KCNQ1: variants seen among roughly 807,000 people sequenced by gnomAD.
KCNQ1 encodes the protein potassium voltage-gated channel subfamily KQT member 1.
A neutral mutation model predicts 72.4 loss-of-function variants in KCNQ1; 49 were observed. The ratio of observed to expected loss-of-function variants is 0.68; its 90% CI spans 0.54 to 0.86. The LOEUF (loss-of-function observed/expected upper bound fraction) is 0.86, where lower values mean the gene tolerates loss of function less well. KCNQ1 is among the 40% of genes least tolerant of loss of function. The probability of loss-of-function intolerance (pLI) is 0.00; values close to 1 mark genes in which losing one functional copy is unlikely to be tolerated. For synonymous variants in KCNQ1, 450 were observed against 412.6 expected (o/e 1.09, Z -1.10); for missense variants, 790 against 945.1 (o/e 0.84, Z 2.15).
Position 2,647,275 on chromosome 11 carries a change from A to C in KCNQ1, c.1394-14686A>C. 2.5e-6 allele frequency: 1 copy of C among 398,354 alleles called. No individual in the cohort carries two copies. The highest frequency in any genetic ancestry group is 3.6e-5 in the East Asian group (1 of 28,054). The allele number at this position is 398,354 out of a possible 1,614,324, so 24.7% of individuals were successfully genotyped here. A position where few individuals can be genotyped will look rare whatever the true frequency, so the allele number is the denominator to read the frequency against. On this transcript the variant is annotated intron_variant, in intron 10 of 15. Coordinates refer to ENST00000155840, the MANE Select transcript of KCNQ1 (RefSeq NM_000218.3). This position sits in a 1 kb window ranked among gnomAD's most constrained non-coding sequence, Gnocchi z 4.0. Reference sequence around the variant, plus strand: ...TCCTTCTGTTAATGTGATGTATCACATTTATTGATTTGTATATGTTGAACC... The same window carrying C: ...TCCTTCTGTTAATGTGATGTATCACCTTTATTGATTTGTATATGTTGAACC...
rs1564788108 is a variant in KCNQ1, at chr11:2,463,735, C to T, written c.386+18251C>T. ...AGATGTGAACCCTGAGTTTGTGCAA[C>T]TCGAGTTTCAGAGTGGCGGCCTCTG... On this transcript the variant is annotated intron_variant, in intron 1 of 15. Transcript: ENST00000155840. This position sits in a 1 kb window ranked among gnomAD's most constrained non-coding sequence, Gnocchi z 7.0. 6.6e-6 allele frequency among the ~76,000 whole-genome samples: 1 copy of T among 152,238 alleles called. No individual in the cohort carries two copies. Among genetic ancestry groups the T allele is most frequent in the African/African-American group, 2.4e-5 (1 of 41,450 alleles).
intron 11 of KCNQ1, among the ~76,000 whole-genome samples, chr11:2,732,736 C>A (rs1845876644): frequency 6.6e-6 from 1 of 152,222 alleles, no homozygotes; most frequent in Non-Finnish European, 1.5e-5. Flanking sequence ...CAGCTCCCAG[C>A]CTGGCTTCCC....
Position 2,672,735 on chromosome 11 carries a change from C to G in KCNQ1, c.1514+10654C>G, listed in dbSNP as rs1389051147. The G allele has an allele frequency of 4.5e-5, 18 of 398,758 alleles. No homozygotes were observed. In the East Asian group the frequency reaches 6.4e-4, roughly 14 times the overall value. The allele number at this position is 398,758 out of a possible 1,614,324, so 24.7% of individuals were successfully genotyped here. A position where few individuals can be genotyped will look rare whatever the true frequency, so the allele number is the denominator to read the frequency against. ...GATGTCAGGTTCCAGACTCCAAGTTCTATGCTTTTTTGCTGGTCCAGCATG... is the reference window on the plus strand; with the variant it reads ...GATGTCAGGTTCCAGACTCCAAGTTGTATGCTTTTTTGCTGGTCCAGCATG... On this transcript the variant is annotated intron_variant, in intron 11 of 15. Transcript: ENST00000155840.
At chr11:2,821,355 T>C (rs1420617368) in intron 15 of KCNQ1, among the ~76,000 whole-genome samples, 1 of 152,146 alleles carries the variant, frequency 6.6e-6, no homozygotes, top group African/African-American at 2.4e-5. Context: ...GTGAGAATGG[T>C]GCCCATGGGG....
At chr11:2,604,833 G>A (rs532492578) in intron 10 of KCNQ1, among the ~76,000 whole-genome samples, 1 of 152,290 alleles carries the variant, frequency 6.6e-6, no homozygotes, top group Admixed American at 6.5e-5. Context: ...GTGAGCCACA[G>A]CACCTGGCCG....
rs562644413 is a variant in KCNQ1, at chr11:2,481,497, G to A, written c.386+36013G>A. Among the ~76,000 whole-genome samples, 78 of 152,254 alleles carry A rather than the reference G, an allele frequency of 5.1e-4. No individual in the cohort carries two copies. Among genetic ancestry groups the A allele is most frequent in the African/African-American group, 1.6e-3 (67 of 41,542 alleles). On this transcript the variant is annotated intron_variant, in intron 1 of 15. Transcript: ENST00000155840. The surrounding 1 kb of genome is among the most constrained non-coding windows in gnomAD (Gnocchi z 4.6). Reference sequence around the variant, plus strand: ...GAGGCTGTGTGGCCATCAGCCAGGCGTCCCCAACCCCCAGGCCATGAAGCA... The same window carrying A: ...GAGGCTGTGTGGCCATCAGCCAGGCATCCCCAACCCCCAGGCCATGAAGCA...
chr11:2,717,251 C>T (rs920780213), intron 11 of KCNQ1, among the ~76,000 whole-genome samples: 2 of 152,188 alleles, frequency 1.3e-5, no homozygotes, highest in African/African-American at 2.4e-5. Context: ...TGGGCCATTT[C>T]AAAGGCTGTT....
rs1338554831 is a variant in KCNQ1, at chr11:2,784,329, T to A, written c.1794+6292T>A. On this transcript the variant is annotated intron_variant, in intron 15 of 15. Transcript: ENST00000155840. The surrounding 1 kb of genome is among the most constrained non-coding windows in gnomAD (Gnocchi z 4.7). Reference sequence around the variant, plus strand: ...AATCAATTGACCATAAATTTATAGGTTTATTTCTGGATTTTCAATTCTATT... The same window carrying A: ...AATCAATTGACCATAAATTTATAGGATTATTTCTGGATTTTCAATTCTATT... Among the ~76,000 whole-genome samples, 1 of 151,870 alleles carries A rather than the reference T, an allele frequency of 6.6e-6. No individual in the cohort carries two copies. Among genetic ancestry groups the A allele is most frequent in the Non-Finnish European group, 1.5e-5 (1 of 67,796 alleles).
intron 2 of KCNQ1, among the ~76,000 whole-genome samples, chr11:2,556,476 C>T (rs1168874489): frequency 6.6e-6 from 1 of 152,208 alleles, no homozygotes; most frequent in Admixed American, 6.5e-5. Context: ...TAGCACACGG[C>T]CACGTGTGCT....
rs1293436212 is a variant in KCNQ1, at chr11:2,679,939, G to A, written c.1514+17858G>A. 9 of 397,026 alleles carry A rather than the reference G, an allele frequency of 2.3e-5. No individual in the cohort carries two copies. The highest frequency in any genetic ancestry group is 3.5e-5 in the Non-Finnish European group (8 of 225,906). 24.6% of individuals were successfully genotyped at this position (397,026 alleles called of 1,614,324 possible). A position where few individuals can be genotyped will look rare whatever the true frequency, so the allele number is the denominator to read the frequency against. ...GGCAGAGTCTCACTTTGTCACCTAG[G>A]CGGGAATGCAGTGGCACAGTCTCGG... is the stretch of plus-strand genomic sequence containing the variant. On this transcript the variant is annotated intron_variant, in intron 11 of 15. Transcript: ENST00000155840. The surrounding 1 kb of genome is among the most constrained non-coding windows in gnomAD (Gnocchi z 4.8).
chr11:2,826,784 G>A lies in KCNQ1; in HGVS notation c.1795-20983G>A, dbSNP rs1388543489. 2.0e-5 allele frequency among the ~76,000 whole-genome samples: 3 copies of A among 152,238 alleles called. No homozygotes were observed. Among genetic ancestry groups the A allele is most frequent in the African/African-American group, 7.2e-5 (3 of 41,468 alleles). ...CACTATGTGCTTGGAGCCATGCTGG[G>A]TGCTGGGGAGACACACTAACCACTT... On this transcript the variant is annotated intron_variant, in intron 15 of 15. Transcript: ENST00000155840. This position sits in a 1 kb window ranked among gnomAD's most constrained non-coding sequence, Gnocchi z 4.2.
intron 10 of KCNQ1, chr11:2,619,524 C>A (rs569301847): frequency 7.5e-6 from 3 of 398,420 alleles, no homozygotes; most frequent in African/African-American, 2.1e-5. Flanking sequence ...TCCACATAGA[C>A]ATGATATATA....
At chr11:2,634,320 TCCCC>T (rs1195451890) in intron 10 of KCNQ1, 3 of 165,106 alleles carry the variant, frequency 1.8e-5, no homozygotes, top group African/African-American at 9.7e-5. Context: ...CCCTCCCCCC[TCCCC>T]CCTCCCCCCC....
chr11:2,629,196 C>T (rs932816159), intron 10 of KCNQ1: 12 of 398,000 alleles, frequency 3.0e-5, no homozygotes, highest in East Asian at 1.1e-4. Context: ...ATAGCTATTT[C>T]GGCAATATTT....
In KCNQ1 at chr11:2,620,739, G is replaced by T. The variant is rs1849155933; in HGVS notation, c.1393+31885G>T. ...GATTGCTGGGTCAGATGGTAGTTCT[G>T]TTTTCAGTTATTTGAGAAAACTCCA... is the stretch of plus-strand genomic sequence containing the variant. On this transcript the variant is annotated intron_variant, in intron 10 of 15. Coordinates refer to ENST00000155840, the MANE Select transcript of KCNQ1 (RefSeq NM_000218.3). The surrounding 1 kb of genome is among the most constrained non-coding windows in gnomAD (Gnocchi z 4.5). 2.5e-6 allele frequency: 1 copy of T among 398,450 alleles called. No homozygotes were observed. Among genetic ancestry groups the T allele is most frequent in the African/African-American group, 2.1e-5 (1 of 48,608 alleles). The allele number at this position is 398,450 out of a possible 1,614,324, so 24.7% of individuals were successfully genotyped here.
chr11:2,642,692 T>C lies in KCNQ1; in HGVS notation c.1394-19269T>C, dbSNP rs1313834321. 5.0e-6 allele frequency: 2 copies of C among 397,878 alleles called. No homozygotes were observed. The highest frequency in any genetic ancestry group is 2.1e-5 in the African/African-American group (1 of 48,628). The allele number at this position is 397,878 out of a possible 1,614,324, so 24.6% of individuals were successfully genotyped here. A position where few individuals can be genotyped will look rare whatever the true frequency, so the allele number is the denominator to read the frequency against. ...CTCTGATCTTCGTTATTTCTTTCCT[T>C]CTACTAATTTTATGTTTAGTATGGT... is the stretch of plus-strand genomic sequence containing the variant. On this transcript the variant is annotated intron_variant, in intron 10 of 15. Coordinates refer to ENST00000155840, the MANE Select transcript of KCNQ1 (RefSeq NM_000218.3). This position sits in a 1 kb window ranked among gnomAD's most constrained non-coding sequence, Gnocchi z 4.3.
At position 2,678,505 on chromosome 11, in the gene KCNQ1, G is replaced by T. The variant is rs567697922; in HGVS notation, c.1514+16424G>T. On this transcript the variant is annotated intron_variant, in intron 11 of 15. Coordinates refer to ENST00000155840, the MANE Select transcript of KCNQ1 (RefSeq NM_000218.3). This position sits in a 1 kb window ranked among gnomAD's most constrained non-coding sequence, Gnocchi z 4.9. ...CTCATTTAATTTGTGTCCATTTCTA[G>T]ACTCTATTCTGGACTGCTGATGGGC... 54 of 398,480 alleles carry T rather than the reference G, an allele frequency of 1.4e-4. 1 individual carries two copies. The South Asian group carries it at 6.4e-3, about 47-fold the overall frequency. The allele number at this position is 398,480 out of a possible 1,614,324, so 24.7% of individuals were successfully genotyped here. A position where few individuals can be genotyped will look rare whatever the true frequency, so the allele number is the denominator to read the frequency against.
rs1003962733 is a variant in KCNQ1 at position 2,781,496 on chromosome 11, C to T, written c.1794+3459C>T. Among the ~76,000 whole-genome samples, 7 of 152,204 alleles carry T rather than the reference C, an allele frequency of 4.6e-5. No homozygotes were observed. Among genetic ancestry groups the T allele is most frequent in the Non-Finnish European group, 1.0e-4 (7 of 68,036 alleles). On this transcript the variant is annotated intron_variant, in intron 15 of 15. Transcript: ENST00000155840. This position sits in a 1 kb window ranked among gnomAD's most constrained non-coding sequence, Gnocchi z 6.6. ...CCAATGCAGGCGGTCGGGAGAGGTC[C>T]GGAGAGAGCTGGCCCTGCCCACTCC...
chr11:2,841,344 C>T (rs1453537718), intron 15 of KCNQ1, among the ~76,000 whole-genome samples: 1 of 152,130 alleles, frequency 6.6e-6, no homozygotes, highest in Non-Finnish European at 1.5e-5. Flanking sequence ...GGATTTGGCC[C>T]AGGCTGGGAG....
Sources: allele counts gnomAD v4.1 joint callset (sites outside exome capture counted in the v4.1 genomes callset), GRCh38; gene constraint gnomAD v4.1.1; non-coding constraint Gnocchi (gnomAD v3.1); transcripts MANE v1.5; gene names NCBI Gene and HGNC (gene_info 2026-07-23, HGNC 2026-07-21).